SEMA3A: variants seen among roughly 807,000 people sequenced by gnomAD.
SEMA3A encodes semaphorin-3A.
A neutral mutation model predicts 97.9 loss-of-function variants in SEMA3A; 29 were observed. The observed-to-expected ratio is 0.30, with a 90% confidence interval of 0.22 to 0.40. The LOEUF (loss-of-function observed/expected upper bound fraction) is 0.40. Ranked by LOEUF, SEMA3A falls within the 10% of genes least tolerant of loss-of-function variation. SEMA3A has a pLI of 1.00. For missense variants in SEMA3A, 763 were observed against 951.3 expected, an observed-to-expected ratio of 0.80 and a Z score of 2.60; for synonymous variants, 321 against 323.7, an observed-to-expected ratio of 0.99 and a Z score of 0.09.
At chr7:84,116,786 G>T (rs1014930234) in intron 3 of SEMA3A, among the ~76,000 whole-genome samples, 4 of 152,166 alleles carry the variant, frequency 2.6e-5, no homozygotes, top group Non-Finnish European at 4.4e-5. Flanking sequence ...ACTCAACCCT[G>T]CTTACACCTT....
At chr7:84,071,336 C>T (rs1394514103) in intron 4 of SEMA3A, among the ~76,000 whole-genome samples, 1 of 152,030 alleles carries the variant, frequency 6.6e-6, no homozygotes, top group Non-Finnish European at 1.5e-5. Flanking sequence ...AGAGGACCTC[C>T]AGGAAGAGAA....
intron 3 of SEMA3A, among the ~76,000 whole-genome samples, chr7:84,213,275 C>T (rs1386840953): frequency 3.9e-5 from 6 of 152,092 alleles, no homozygotes; most frequent in African/African-American, 1.4e-4. Flanking sequence ...TGGTGCCCGG[C>T]CTGTTTCTTA....
intron 1 of SEMA3A, among the ~76,000 whole-genome samples, chr7:84,176,421 C>T (rs62477005): frequency 0.2 from 30,774 of 151,930 alleles, 3,846 homozygotes; most frequent in Non-Finnish European, 0.29. Context: ...AAACATACCA[C>T]GAGTTGGATG....
chr7:84,001,588 A>ACATT (rs909875407), intron 12 of SEMA3A, among the ~76,000 whole-genome samples: 2 of 152,304 alleles, frequency 1.3e-5, no homozygotes, highest in African/African-American at 4.8e-5. Context: ...TTCCTTTAGT[A>ACATT]CATTCATGGA....
chr7:84,043,044 C>T (rs182016068), intron 6 of SEMA3A, among the ~76,000 whole-genome samples: 88 of 151,762 alleles, frequency 5.8e-4, no homozygotes, highest in Middle Eastern at 3.4e-3. Context: ...TTATGTAGTA[C>T]AAGAAAAAAA....
At chr7:84,078,415 G>A (rs1262437576) in intron 4 of SEMA3A, among the ~76,000 whole-genome samples, 1 of 152,008 alleles carries the variant, frequency 6.6e-6, no homozygotes, top group African/African-American at 2.4e-5. Context: ...TATATCACCT[G>A]CATGAGCACT....
chr7:84,051,232 T>C (rs1209631396), intron 5 of SEMA3A, among the ~76,000 whole-genome samples: 2 of 151,686 alleles, frequency 1.3e-5, no homozygotes, highest in South Asian at 2.1e-4. Flanking sequence ...AGTAGTTTTT[T>C]CCAATTCTGT....
At chr7:84,271,455 G>T (rs934348242) in intron 3 of SEMA3A, among the ~76,000 whole-genome samples, 1 of 152,072 alleles carries the variant, frequency 6.6e-6, no homozygotes, top group Non-Finnish European at 1.5e-5. Context: ...CTTCAGAATA[G>T]CCTCCCTCAG....
chr7:84,449,077 G>A (rs1156685218), intron 1 of SEMA3A, among the ~76,000 whole-genome samples: 1 of 152,122 alleles, frequency 6.6e-6, no homozygotes, highest in Non-Finnish European at 1.5e-5. Flanking sequence ...ATGGTGCCAG[G>A]AAAACTGCAT....
At chr7:84,413,447 G>A (rs769515132) in intron 1 of SEMA3A, among the ~76,000 whole-genome samples, 6 of 152,054 alleles carry the variant, frequency 3.9e-5, no homozygotes, top group Non-Finnish European at 8.8e-5. Context: ...AGGAAACATG[G>A]CAAAACCCTG....
intron 4 of SEMA3A, among the ~76,000 whole-genome samples, chr7:84,079,353 G>A (rs905778022): frequency 4.0e-5 from 6 of 150,868 alleles, no homozygotes; most frequent in South Asian, 4.2e-4. Flanking sequence ...TTGACAAATG[G>A]GATCTAATTA....
intron 4 of SEMA3A, among the ~76,000 whole-genome samples, chr7:84,103,726 G>A (rs969580700): frequency 6.6e-6 from 1 of 151,500 alleles, no homozygotes. Flanking sequence ...GAGACAAAGA[G>A]GTAAAAAATG....
At chr7:84,093,576 C>A (rs974958035) in intron 4 of SEMA3A, among the ~76,000 whole-genome samples, 1 of 151,994 alleles carries the variant, frequency 6.6e-6, no homozygotes, top group African/African-American at 2.4e-5. Context: ...ACAAGACATA[C>A]AATGTAGTAT....
At chr7:84,064,178 A>G (rs1351574347) in intron 4 of SEMA3A, among the ~76,000 whole-genome samples, 1 of 152,054 alleles carries the variant, frequency 6.6e-6, no homozygotes, top group East Asian at 1.9e-4. Context: ...TAAGCTTCAT[A>G]AGCGAAGGAG....
chr7:84,425,002 T>TAA (rs1405143524), intron 1 of SEMA3A, among the ~76,000 whole-genome samples: 42 of 103,688 alleles, frequency 4.1e-4, no homozygotes, highest in African/African-American at 1.6e-3. Context: ...TTTTTATTTA[T>TAA]TTATATATAT....
chr7:84,409,858 A>G (rs1234717850), intron 1 of SEMA3A, among the ~76,000 whole-genome samples: 4 of 152,104 alleles, frequency 2.6e-5, no homozygotes, highest in African/African-American at 9.6e-5. Flanking sequence ...TACAAATTTT[A>G]TTTATTAGAT....
chr7:84,070,404 T>C (rs994175761), intron 4 of SEMA3A, among the ~76,000 whole-genome samples: 3 of 152,130 alleles, frequency 2.0e-5, no homozygotes, highest in Admixed American at 6.6e-5. Context: ...AAACCATTGG[T>C]GACTTCATGG....
chr7:84,135,025 A>T, intron 1 of SEMA3A, 74 bp from the exon 2 acceptor site: 1 of 1,212,036 alleles, frequency 8.3e-7, no homozygotes, highest in Non-Finnish European at 1.2e-6. Context: ...GGTACATGGT[A>T]ACCTGACTAT....
intron 3 of SEMA3A, among the ~76,000 whole-genome samples, chr7:84,257,390 T>C (rs1799740987): frequency 2.0e-5 from 3 of 152,202 alleles, no homozygotes; most frequent in South Asian, 2.1e-4. Flanking sequence ...TACATTTTTT[T>C]CCCCAGGAGA....
Sources: allele counts gnomAD v4.1 joint callset (sites outside exome capture counted in the v4.1 genomes callset), GRCh38; gene constraint gnomAD v4.1.1; transcripts MANE v1.5; gene names NCBI Gene and HGNC (gene_info 2026-07-23, HGNC 2026-07-21).